Variants in SSH2 observed in about 807,000 individuals in gnomAD.
SSH2 encodes the protein slingshot protein phosphatase 2.
In SSH2, 37 loss-of-function variants were observed where a neutral mutation model predicts 135.2. The ratio of observed to expected loss-of-function variants is 0.27; its 90% CI spans 0.21 to 0.36. The LOEUF (loss-of-function observed/expected upper bound fraction) is 0.36. Among genes scored for constraint, SSH2 ranks in the 10% least tolerant of loss-of-function variants. The probability of loss-of-function intolerance (pLI) is 1.00; values close to 1 mark genes in which losing one functional copy is unlikely to be tolerated. For synonymous variants in SSH2, 628 were observed against 646.2 expected, an observed-to-expected ratio of 0.97 and a Z score of 0.43; for missense variants, 1,408 against 1,765.3, an observed-to-expected ratio of 0.80 and a Z score of 3.63.
At chr17:29,678,239 G>A (rs1009889373) in intron 6 of SSH2, among the ~76,000 whole-genome samples, 2 of 151,858 alleles carry the variant, frequency 1.3e-5, no homozygotes, top group African/African-American at 2.4e-5. Context: ...GATTACAGGC[G>A]AGCGCCACCA....
intron 1 of SSH2, among the ~76,000 whole-genome samples, chr17:29,878,825 G>T (rs1013707612): frequency 8.5e-5 from 13 of 152,256 alleles, no homozygotes; most frequent in African/African-American, 2.9e-4. Context: ...TGAAACTCAA[G>T]ATCTCAATTG....
intron 8 of SSH2, 30 bp from the exon 9 acceptor site, chr17:29,672,159 T>C (rs374079356): frequency 1.3e-4 from 201 of 1,590,614 alleles, no homozygotes; most frequent in South Asian, 9.4e-4. Context: ...ATGAGCACCA[T>C]AGAACTGTGG....
intron 3 of SSH2, among the ~76,000 whole-genome samples, chr17:29,793,178 A>C (rs2042100689): frequency 6.6e-6 from 1 of 151,902 alleles, no homozygotes; most frequent in Non-Finnish European, 1.5e-5. Context: ...AGATAAAATA[A>C]ATGTTATTTT....
Position 29,872,537 on chromosome 17 carries a change from T to A in SSH2, c.64-23608A>T, listed in dbSNP as rs116810108. On this transcript the variant is annotated intron_variant, in intron 1 of 15. Coordinates refer to ENST00000540801, the MANE Select transcript of SSH2 (RefSeq NM_001282129.2). ...TGGGAGGCTAAGGCGGGAAGACAGC[T>A]TCAGGCCAGGAGTTTTAGACCTGCC... Among the ~76,000 whole-genome samples the A allele has an allele frequency of 3.8e-3, 586 of 152,256 alleles. 3 individuals carry two copies. The highest frequency in any genetic ancestry group is 0.013 in the African/African-American group (554 of 41,536).
chr17:29,894,345 G>C (rs2066403742), intron 1 of SSH2, among the ~76,000 whole-genome samples: 1 of 151,646 alleles, frequency 6.6e-6, no homozygotes, highest in Admixed American at 6.6e-5. Context: ...TGCTTGTTTT[G>C]TATATAGTCA....
intron 3 of SSH2, among the ~76,000 whole-genome samples, chr17:29,725,143 C>G (rs891487922): frequency 6.0e-5 from 9 of 151,000 alleles, no homozygotes; most frequent in Non-Finnish European, 1.0e-4. Context: ...GTTAGGAGAT[C>G]GAGACCATTC....
chr17:29,864,149 C>CA (rs1363157418), intron 1 of SSH2: 1 of 151,846 alleles, frequency 6.6e-6, no homozygotes, highest in African/African-American at 2.4e-5. Context: ...ATTAAAAATA[C>CA]AAAAAATTAG....
chr17:29,727,731 G>C (rs1190828516), intron 3 of SSH2, among the ~76,000 whole-genome samples: 1 of 152,100 alleles, frequency 6.6e-6, no homozygotes, highest in Admixed American at 6.6e-5. Context: ...CACTGAATGG[G>C]GAAAAACAGA....
intron 14 of SSH2, among the ~76,000 whole-genome samples, chr17:29,637,642 T>G (rs1198947124): frequency 6.8e-6 from 1 of 147,386 alleles, no homozygotes; most frequent in Non-Finnish European, 1.5e-5. Flanking sequence ...ATTATCCAGG[T>G]GTGGTGGCGT....
chr17:29,804,843 C>CTT (rs531310094), intron 2 of SSH2, among the ~76,000 whole-genome samples: 137 of 98,944 alleles, frequency 1.4e-3, no homozygotes, highest in Middle Eastern at 6.6e-3. Context: ...CCACATCTGG[C>CTT]TTTTTTTTTT....
At chr17:29,719,645 A>G (rs992602761) in intron 3 of SSH2, among the ~76,000 whole-genome samples, 4 of 100,954 alleles carry the variant, frequency 4.0e-5, no homozygotes, top group African/African-American at 1.6e-4. Flanking sequence ...GATGAACAGA[A>G]GTTCTTCCCA....
intron 3 of SSH2, among the ~76,000 whole-genome samples, chr17:29,786,486 A>G (rs191136378): frequency 6.6e-6 from 1 of 152,228 alleles, no homozygotes; most frequent in Admixed American, 6.5e-5. Context: ...TCACCCTTCA[A>G]TCATCTGTGA....
chr17:29,640,385 T>C (rs941595971), intron 14 of SSH2, among the ~76,000 whole-genome samples: 1 of 152,166 alleles, frequency 6.6e-6, no homozygotes, highest in Admixed American at 6.5e-5. Context: ...CCCTCCAAAG[T>C]ATGTTTTTTA....
intron 15 of SSH2, among the ~76,000 whole-genome samples, chr17:29,634,995 T>C (rs1220517442): frequency 4.6e-5 from 7 of 151,682 alleles, no homozygotes; most frequent in African/African-American, 1.2e-4. Flanking sequence ...CTCTGTCTCC[T>C]AGGTTCAAGT....
At chr17:29,666,748 T>C in intron 11 of SSH2, 119 bp downstream of exon 11, 1 of 962,546 alleles carries the variant, frequency 1.0e-6, no homozygotes, top group South Asian at 1.7e-5. Context: ...TACTTATCAC[T>C]TTTGTCTTTA....
intron 1 of SSH2, among the ~76,000 whole-genome samples, chr17:29,870,117 T>G (rs2065914608): frequency 6.6e-6 from 1 of 152,196 alleles, no homozygotes; most frequent in Admixed American, 6.5e-5. Context: ...AAATGACATT[T>G]TCCCAATGTT....
intron 3 of SSH2, among the ~76,000 whole-genome samples, chr17:29,719,519 GA>G (rs1213436771): frequency 9.8e-4 from 73 of 74,328 alleles, no homozygotes; most frequent in Non-Finnish European, 8.8e-4. Flanking sequence ...TGTCTCAAAA[GA>G]AAAAAAAAAA....
At chr17:29,707,212 A>G (rs1049080660) in intron 3 of SSH2, 3 of 151,984 alleles carry the variant, frequency 2.0e-5, no homozygotes, top group African/African-American at 7.3e-5. Flanking sequence ...TTTTATAGAT[A>G]CATTTGTTGC....
chr17:29,750,186 CCAGCACT>C (rs1687054264), intron 3 of SSH2, among the ~76,000 whole-genome samples: 1 of 150,080 alleles, frequency 6.7e-6, no homozygotes, highest in Admixed American at 6.7e-5. Context: ...GCCTGTAATC[CCAGCACT>C]TTGGGAGGCC....
Sources: gnomAD v4.1 joint callset for allele counts (sites outside exome capture counted in the v4.1 genomes callset) on GRCh38, gnomAD v4.1.1 for gene constraint, MANE v1.5 for transcripts, NCBI Gene and HGNC (gene_info 2026-07-23, HGNC 2026-07-21) for gene names.